The following MAGED1 variants were observed in gnomAD, a reference collection of about 807,000 sequenced individuals.
MAGED1 encodes MAGE family member D1.
In MAGED1, 3 loss-of-function variants were observed where a neutral mutation model predicts 54.1. The ratio of observed to expected loss-of-function variants is 0.06; its 90% CI spans 0.03 to 0.14. The LOEUF is 0.14. Ranked by LOEUF, MAGED1 falls within the 10% of genes least tolerant of loss-of-function variation. MAGED1 has a pLI of 1.00. For synonymous variants in MAGED1, 217 were observed against 227.3 expected, an observed-to-expected ratio of 0.95 and a Z score of 0.41; for missense variants, 485 against 623.4, an observed-to-expected ratio of 0.78 and a Z score of 2.36.
chrX:51,866,612 A>G (rs1204032887), intron 1 of MAGED1, among the ~76,000 whole-genome samples: 1 of 112,449 alleles, frequency 8.9e-6, no homozygotes, highest in Non-Finnish European at 1.9e-5. Flanking sequence ...GCAAAAAGAA[A>G]AAAGAAAGAG....
chrX:51,879,042 A>G (rs967112127), intron 1 of MAGED1, among the ~76,000 whole-genome samples: 2 of 111,980 alleles, frequency 1.8e-5, no homozygotes, highest in Admixed American at 9.5e-5. Flanking sequence ...TATTATTTGC[A>G]TGTAATAACT....
intron 1 of MAGED1, among the ~76,000 whole-genome samples, chrX:51,863,346 G>A (rs1270883169): frequency 6.2e-5 from 7 of 112,485 alleles, no homozygotes; most frequent in Non-Finnish European, 1.1e-4. Context: ...GTATGTATGT[G>A]TGTGTGTGTA....
At chrX:51,892,348 C>A (rs189456030), upstream of MAGED1, among the ~76,000 whole-genome samples, 345 of 112,056 alleles carry the variant, frequency 3.1e-3, 6 homozygotes, top group African/African-American at 0.011. Context: ...CTGGGCACTC[C>A]ATTCCTGGAA....
At chrX:51,845,281 A>C (rs1409648824) in intron 1 of MAGED1, among the ~76,000 whole-genome samples, 6 of 111,536 alleles carry the variant, frequency 5.4e-5, no homozygotes, top group Non-Finnish European at 1.1e-4. Context: ...ACAAACAAAC[A>C]AAAAATTTAG....
chrX:51,831,835 C>T (rs1557357494), intron 1 of MAGED1, among the ~76,000 whole-genome samples: 3 of 110,266 alleles, frequency 2.7e-5, no homozygotes, highest in Non-Finnish European at 5.7e-5. Flanking sequence ...GCAGGCTAAA[C>T]AGGCACTCTG....
At chrX:51,860,865 G>A (rs781874574) in intron 1 of MAGED1, among the ~76,000 whole-genome samples, 7 of 110,895 alleles carry the variant, frequency 6.3e-5, no homozygotes, top group African/African-American at 2.0e-4. Context: ...CAGCATTCTT[G>A]TTCTGCCCTC....
chrX:51,842,579 A>G (rs1450740564), intron 1 of MAGED1, among the ~76,000 whole-genome samples: 2 of 111,856 alleles, frequency 1.8e-5, no homozygotes, highest in Admixed American at 1.9e-4. Context: ...AAGCTCATAC[A>G]GCTGTAGACA....
intron 1 of MAGED1, among the ~76,000 whole-genome samples, chrX:51,873,073 AAAAG>A (rs1215158085): frequency 1.8e-5 from 2 of 111,237 alleles, no homozygotes; most frequent in Admixed American, 9.6e-5. Context: ...TAAAAAAATA[AAAAG>A]AAAGAGGGTT....
At chrX:51,879,404 T>C (rs1011031447) in intron 1 of MAGED1, among the ~76,000 whole-genome samples, 1 of 111,951 alleles carries the variant, frequency 8.9e-6, no homozygotes, top group South Asian at 3.7e-4. Flanking sequence ...ACTTTTTTTT[T>C]CTTCTCCTTT....
chrX:51,899,533 C>T (rs1602276511), intron 10 of MAGED1: 1 of 111,713 alleles, frequency 9.0e-6, no homozygotes, highest in Admixed American at 9.5e-5. Context: ...ACTTCCACCT[C>T]CCAGGTTCAA....
chrX:51,877,985 T>A (rs782738002), intron 1 of MAGED1, among the ~76,000 whole-genome samples: 2 of 111,710 alleles, frequency 1.8e-5, no homozygotes, highest in East Asian at 5.6e-4. Context: ...TTTATGAGGT[T>A]TATATTGATG....
intron 2 of MAGED1, 166 bp downstream of exon 2, chrX:51,894,515 C>A: frequency 6.1e-6 from 5 of 825,103 alleles, no homozygotes; most frequent in Non-Finnish European, 8.8e-6. Flanking sequence ...GGAGGGGCGT[C>A]TCTTTTCAGC....
intron 1 of MAGED1, chrX:51,856,929 A>G (rs530773308): frequency 1.8e-5 from 2 of 111,698 alleles, no homozygotes; most frequent in Admixed American, 1.9e-4. Flanking sequence ...GCACAGAGAT[A>G]TGATTCACAT....
At chrX:51,840,433 T>A (rs979514846) in intron 1 of MAGED1, among the ~76,000 whole-genome samples, 22 of 110,139 alleles carry the variant, frequency 2.0e-4, no homozygotes, top group Admixed American at 4.8e-4. Context: ...CTTTTTTTTT[T>A]AAATTTTATT....
At chrX:51,881,937 C>G (rs1928072477) in intron 1 of MAGED1, among the ~76,000 whole-genome samples, 1 of 110,494 alleles carries the variant, frequency 9.1e-6, no homozygotes, top group African/African-American at 3.3e-5. Context: ...ATGCTCCCAT[C>G]TAACAAGATA....
intron 2 of MAGED1, chrX:51,894,697 C>T: frequency 1.7e-6 from 2 of 1,172,919 alleles, no homozygotes; most frequent in Non-Finnish European, 2.3e-6. Flanking sequence ...CCTCTTTCTG[C>T]ATTCCCCACT....
Position 51,895,536 on chromosome X carries a change from C to T in MAGED1, c.529C>T (p.Pro177Ser). The T allele has an allele frequency of 8.3e-7, 1 of 1,211,180 alleles. No homozygotes were observed. The highest frequency in any genetic ancestry group is 1.7e-5 in the African/African-American group (1 of 57,805). Reference protein sequence around the residue: ...LNANDLANSRPKTPFKAWNDT... With the variant: ...LNANDLANSRSKTPFKAWNDT... Reference sequence around the variant, plus strand: ...TGCCAATGACCTGGCCAACAGCAGGCCTAAGACCCCTTTCAAGGCTTGGAA... The same window carrying T: ...TGCCAATGACCTGGCCAACAGCAGGTCTAAGACCCCTTTCAAGGCTTGGAA... The change falls in exon 3 of 13, where the codon CCT (proline) becomes TCT (serine). Residue 177 changes from proline to serine, a missense_variant. This residue lies in a region of MAGED1 where 299 missense variants were observed against 293.1 expected (regional missense o/e 1.02). Coordinates refer to ENST00000326587, the MANE Select transcript of MAGED1 (RefSeq NM_006986.4).
intron 1 of MAGED1, among the ~76,000 whole-genome samples, chrX:51,870,338 A>G (rs782691329): frequency 1.8e-5 from 2 of 112,225 alleles, no homozygotes; most frequent in East Asian, 2.8e-4. Context: ...AGTTTGAAAT[A>G]TATTGCTCTA....
At chrX:51,841,004 T>C (rs372185432) in intron 1 of MAGED1, among the ~76,000 whole-genome samples, 1,248 of 110,078 alleles carry the variant, frequency 0.011, 22 homozygotes, top group African/African-American at 0.038. Context: ...CCTGAGGAAT[T>C]GCCACACTGA....
Sources: allele counts gnomAD v4.1 joint callset (sites outside exome capture counted in the v4.1 genomes callset), GRCh38; gene constraint gnomAD v4.1.1; regional missense constraint gnomAD v4.1.1; transcripts MANE v1.5; gene names NCBI Gene and HGNC (gene_info 2026-07-23, HGNC 2026-07-21).